The following RGS6 variants were observed in gnomAD, a reference collection of about 807,000 sequenced individuals.
RGS6 encodes regulator of G-protein signaling 6.
Under a neutral mutation model 78.5 loss-of-function variants are expected in RGS6, and 30 were observed. That is an observed-to-expected ratio of 0.38 (90% CI 0.29 to 0.52). The LOEUF is 0.52. RGS6 is among the 20% of genes least tolerant of loss of function. The probability of loss-of-function intolerance (pLI) is 0.85; values close to 1 mark genes in which losing one functional copy is unlikely to be tolerated. For missense variants in RGS6, 495 were observed against 609.7 expected (o/e 0.81, Z 1.98); for synonymous variants, 206 against 206.0 (o/e 1.00, Z 0.00).
chr14:72,003,077 T>A (rs1350285453), intron 2 of RGS6, among the ~76,000 whole-genome samples: 5 of 152,176 alleles, frequency 3.3e-5, no homozygotes, highest in Non-Finnish European at 5.9e-5. Context: ...AATAAGTATT[T>A]TGTTTCTATA....
intron 3 of RGS6, among the ~76,000 whole-genome samples, chr14:72,432,976 G>T (rs1024564813): frequency 1.3e-5 from 2 of 152,160 alleles, no homozygotes; most frequent in African/African-American, 4.8e-5. Flanking sequence ...TCAGTCATAG[G>T]TCCGTGTTGT....
At chr14:72,540,404 TG>T in intron 17 of RGS6, 1 of 1,464,274 alleles carries the variant, frequency 6.8e-7, no homozygotes, top group Middle Eastern at 1.8e-4. Flanking sequence ...CTCGGGGCTG[TG>T]CGGTTTGTGC....
chr14:72,044,372 G>A (rs2092671660), intron 2 of RGS6, among the ~76,000 whole-genome samples: 1 of 152,194 alleles, frequency 6.6e-6, no homozygotes, highest in Admixed American at 6.5e-5. Flanking sequence ...TACTGAATAA[G>A]AAAGATCTGC....
the RGS6 span, among the ~76,000 whole-genome samples, chr14:72,619,713 T>C: frequency 6.6e-6 from 1 of 152,222 alleles, no homozygotes; most frequent in African/African-American, 2.4e-5. Context: ...CTGCTTGGAC[T>C]GTGCCTCAGT....
intron 2 of RGS6, among the ~76,000 whole-genome samples, chr14:72,148,949 A>T (rs1370007800): frequency 6.6e-6 from 1 of 152,208 alleles, no homozygotes; most frequent in East Asian, 1.9e-4. Flanking sequence ...ATGGCTTAAA[A>T]CAACATTTAC....
At chr14:71,892,652 A>C in the RGS6 span, among the ~76,000 whole-genome samples, 1 of 152,248 alleles carries the variant, frequency 6.6e-6, no homozygotes, top group Admixed American at 6.5e-5. Flanking sequence ...CAAACTACTT[A>C]AACTGTTATC....
chr14:72,087,571 T>A (rs902454690), intron 2 of RGS6, among the ~76,000 whole-genome samples: 2 of 151,596 alleles, frequency 1.3e-5, no homozygotes, highest in Non-Finnish European at 2.9e-5. Context: ...TCCAGAGAAA[T>A]ACGCGTATTA....
rs532300223 is a variant in RGS6, at chr14:72,319,764, C to T, written c.85-32331C>T. Among the ~76,000 whole-genome samples, 83 of 152,150 alleles carry T rather than the reference C, an allele frequency of 5.5e-4. 2 individuals carry two copies. In the South Asian group the frequency reaches 0.017, roughly 31 times the overall value. On this transcript the variant is annotated intron_variant, in intron 2 of 17. Coordinates refer to ENST00000553525, the MANE Select transcript of RGS6 (RefSeq NM_001204424.2). ...GGCAGGATTATCAAAGCAAACAAAA[C>T]GGAAACAACAGCTTAAAAGTATTAG...
At chr14:72,447,441 T>C (rs7143154) in intron 3 of RGS6, among the ~76,000 whole-genome samples, 109,441 of 151,896 alleles carry the variant, frequency 0.72, 39,759 homozygotes, top group East Asian at 0.97. Context: ...AAGATCCCAG[T>C]CTAAAAGCAC....
chr14:71,974,744 T>G (rs907295386), intron 2 of RGS6, among the ~76,000 whole-genome samples: 3 of 152,382 alleles, frequency 2.0e-5, no homozygotes, highest in East Asian at 1.9e-4. Flanking sequence ...TTTCCATTGC[T>G]CTTTATTATT....
intron 2 of RGS6, among the ~76,000 whole-genome samples, chr14:72,216,354 C>T (rs1244606471): frequency 6.6e-6 from 1 of 152,152 alleles, no homozygotes; most frequent in Non-Finnish European, 1.5e-5. Flanking sequence ...TGTCACGGGA[C>T]CTCAGGTGTA....
At chr14:72,113,298 A>G (rs763949092) in intron 2 of RGS6, among the ~76,000 whole-genome samples, 2 of 152,110 alleles carry the variant, frequency 1.3e-5, no homozygotes, top group African/African-American at 2.4e-5. Flanking sequence ...CTTTTTCCTC[A>G]TGTAGGAAGA....
chr14:72,205,947 A>G (rs1187729884), intron 2 of RGS6, among the ~76,000 whole-genome samples: 5 of 152,342 alleles, frequency 3.3e-5, no homozygotes, highest in Middle Eastern at 3.4e-3. Flanking sequence ...CTAGGCAAGC[A>G]ATTTTGTACT....
intron 16 of RGS6, chr14:72,537,445 A>G: frequency 1.4e-6 from 1 of 702,060 alleles, no homozygotes; most frequent in Non-Finnish European, 2.6e-6. Context: ...ATGGAGTCTG[A>G]GAAAGGAAAG....
At chr14:72,601,430 C>A in the RGS6 span, among the ~76,000 whole-genome samples, 36 of 152,316 alleles carry the variant, frequency 2.4e-4, no homozygotes, top group Non-Finnish European at 4.3e-4. Flanking sequence ...CTGCCTCTCC[C>A]ACTCAAGGTG....
At chr14:72,588,782 C>G in the RGS6 span, among the ~76,000 whole-genome samples, 9 of 152,264 alleles carry the variant, frequency 5.9e-5, no homozygotes, top group East Asian at 1.5e-3. Context: ...TTTGTTACCC[C>G]CTTGTGATTT....
rs374330082 is a variant in RGS6, at chr14:72,494,534, A to T, written c.855-618A>T. Among the ~76,000 whole-genome samples the T allele has an allele frequency of 7.9e-5, 12 of 152,286 alleles. No homozygotes were observed. The South Asian group carries it at 1.7e-3, about 21-fold the overall frequency. On this transcript the variant is annotated intron_variant, in intron 12 of 17. Transcript: ENST00000553525. ...ATATATAATCATTTGGTACTATTTT[A>T]TTATTCTAACTATTCACATACATTT...
At chr14:71,960,986 C>T (rs1198410185) in intron 1 of RGS6, among the ~76,000 whole-genome samples, 2 of 152,210 alleles carry the variant, frequency 1.3e-5, no homozygotes, top group African/African-American at 4.8e-5. Flanking sequence ...TCTGACTTAT[C>T]TGTATATCCC....
At chr14:72,084,386 C>A (rs1597301414) in intron 2 of RGS6, among the ~76,000 whole-genome samples, 1 of 152,208 alleles carries the variant, frequency 6.6e-6, no homozygotes, top group East Asian at 1.9e-4. Context: ...GGTAGCAGTA[C>A]ATGACCTGGA....
Sources: gnomAD v4.1 joint callset for allele counts (sites outside exome capture counted in the v4.1 genomes callset) on GRCh38, gnomAD v4.1.1 for gene constraint, MANE v1.5 for transcripts, NCBI Gene and HGNC (gene_info 2026-07-23, HGNC 2026-07-21) for gene names.